The following STON2 variants were observed in gnomAD, a reference collection of about 807,000 sequenced individuals.
STON2 encodes stonin 2, also known as stonin-2.
In STON2, 29 loss-of-function variants were observed where a neutral mutation model predicts 65.7. The observed-to-expected ratio is 0.44, with a 90% CI of 0.33 to 0.60. The LOEUF is 0.60. Among genes scored for constraint, STON2 ranks in the 20% least tolerant of loss-of-function variants. STON2 has a pLI of 0.03. For synonymous variants in STON2, 404 were observed against 414.2 expected (o/e 0.98, Z 0.30); for missense variants, 1,054 against 1,118.1 (o/e 0.94, Z 0.82).
intron 4 of STON2, among the ~76,000 whole-genome samples, chr14:81,336,826 G>C (rs918985021): frequency 6.6e-6 from 1 of 152,150 alleles, no homozygotes; most frequent in African/African-American, 2.4e-5. Flanking sequence ...GAATTAGTGG[G>C]TGAATGAATG....
intron 3 of STON2, among the ~76,000 whole-genome samples, chr14:81,378,295 A>C (rs1899348515): frequency 6.6e-6 from 1 of 152,052 alleles, no homozygotes; most frequent in African/African-American, 2.4e-5. Context: ...AGCTCACTGT[A>C]ACTTCCACCT....
At chr14:81,274,904 C>CA (rs1355462893) in intron 6 of STON2, among the ~76,000 whole-genome samples, 2 of 151,714 alleles carry the variant, frequency 1.3e-5, no homozygotes, top group East Asian at 1.9e-4. Context: ...GACTTCATTT[C>CA]AAAAAAACAA....
intron 4 of STON2, among the ~76,000 whole-genome samples, chr14:81,354,094 A>G (rs1309497826): frequency 6.6e-6 from 1 of 152,218 alleles, no homozygotes; most frequent in African/African-American, 2.4e-5. Context: ...CTTCTCCTGC[A>G]ACCCTGTCTA....
At chr14:81,407,298 C>G (rs1900918428) in intron 2 of STON2, among the ~76,000 whole-genome samples, 1 of 151,970 alleles carries the variant, frequency 6.6e-6, no homozygotes, top group African/African-American at 2.4e-5. Context: ...CAGTAATGTA[C>G]TGAAAATTAA....
chr14:81,399,930 T>G (rs1239532195), intron 1 of STON2, among the ~76,000 whole-genome samples: 2 of 152,150 alleles, frequency 1.3e-5, no homozygotes, highest in African/African-American at 2.4e-5. Flanking sequence ...AACAAGCAGG[T>G]GTGTTTGAAG....
intron 5 of STON2, among the ~76,000 whole-genome samples, chr14:81,282,833 A>C (rs1196415944): frequency 6.6e-6 from 1 of 152,228 alleles, no homozygotes; most frequent in Non-Finnish European, 1.5e-5. Flanking sequence ...TTCCCAAGAC[A>C]ATTATGACTG....
intron 5 of STON2, among the ~76,000 whole-genome samples, chr14:81,320,949 C>T (rs1896801126): frequency 6.6e-6 from 1 of 152,232 alleles, no homozygotes; most frequent in South Asian, 2.1e-4. Flanking sequence ...TCCTTAAAGA[C>T]TACAGGCTGA....
chr14:81,306,214 C>T (rs1183540148), intron 5 of STON2, among the ~76,000 whole-genome samples: 5 of 124,532 alleles, frequency 4.0e-5, no homozygotes, highest in South Asian at 2.6e-4. Flanking sequence ...CACACACATA[C>T]ATACTCTTTT....
intron 3 of STON2, among the ~76,000 whole-genome samples, chr14:81,379,685 A>C (rs1161572539): frequency 7.2e-5 from 11 of 152,168 alleles, no homozygotes; most frequent in Non-Finnish European, 1.6e-4. Context: ...ACCCAGAATA[A>C]AGCTGCACAC....
intron 4 of STON2, among the ~76,000 whole-genome samples, chr14:81,351,511 A>G (rs1041607824): frequency 6.6e-6 from 1 of 152,182 alleles, no homozygotes; most frequent in Non-Finnish European, 1.5e-5. Flanking sequence ...CAAAGTAAGA[A>G]CTGTGTGAGA....
At chr14:81,413,373 T>G in intron 2 of STON2, 1 of 652,280 alleles carries the variant, frequency 1.5e-6, no homozygotes. Flanking sequence ...TTGTGTTTTA[T>G]ACAGGGCATT....
Position 81,278,249 on chromosome 14 carries a change from GC to G in STON2, c.1232del (p.Ser411ThrfsTer54). On this transcript the variant is annotated frameshift_variant, in exon 6 of 8. Coordinates refer to ENST00000614646, the MANE Select transcript of STON2 (RefSeq NM_001394390.1). LOFTEE classifies it high-confidence loss of function. ...AGATGACAATGAGGGAATCTCTTTG[GC>G]TTTTGCCCGTGGTACTGGAAATGGA... ...NSSISSTTGK[S>X]QRDSLIVIYQ... 1 of 1,614,122 alleles carries G rather than the reference GC, an allele frequency of 6.2e-7. No homozygotes were observed. The highest frequency in any genetic ancestry group is 8.5e-7 in the Non-Finnish European group (1 of 1,180,026).
At chr14:81,421,840 T>A (rs2139898854) in intron 2 of STON2, among the ~76,000 whole-genome samples, 1 of 152,196 alleles carries the variant, frequency 6.6e-6, no homozygotes, top group East Asian at 1.9e-4. Flanking sequence ...ATAGGCAGAT[T>A]TAGAGCTCAG....
chr14:81,344,414 T>C (rs911972135), intron 4 of STON2, among the ~76,000 whole-genome samples: 18 of 152,172 alleles, frequency 1.2e-4, no homozygotes, highest in African/African-American at 4.3e-4. Flanking sequence ...TATAGCAAAA[T>C]TAAATAGAGG....
rs377701697 is a variant in STON2, at chr14:81,346,441, C to T, written c.572-22254G>A. 2.6e-5 allele frequency among the ~76,000 whole-genome samples: 4 copies of T among 152,264 alleles called. No individual in the cohort carries two copies. In the East Asian group the frequency reaches 7.7e-4, roughly 29 times the overall value. ...AGAGAAAAGGATGTATGATCTAAAA[C>T]TCATTAGCTTGGACATTAGGACACA... On this transcript the variant is annotated intron_variant, in intron 4 of 7. Coordinates refer to ENST00000614646, the MANE Select transcript of STON2 (RefSeq NM_001394390.1).
intron 2 of STON2, among the ~76,000 whole-genome samples, chr14:81,407,632 T>C (rs1467822214): frequency 2.0e-5 from 3 of 152,214 alleles, no homozygotes; most frequent in African/African-American, 7.2e-5. Flanking sequence ...TGCAGAAACA[T>C]CTTCAACTAG....
chr14:81,293,081 A>G (rs1338881009), intron 5 of STON2, among the ~76,000 whole-genome samples: 2 of 152,030 alleles, frequency 1.3e-5, no homozygotes, highest in East Asian at 3.9e-4. Context: ...GAAATCTTAA[A>G]TGGACTGACT....
chr14:81,307,540 T>C (rs1302074411), intron 5 of STON2, among the ~76,000 whole-genome samples: 1 of 152,220 alleles, frequency 6.6e-6, no homozygotes, highest in Non-Finnish European at 1.5e-5. Context: ...AAAAGCCTAG[T>C]TGAGCCTCAA....
chr14:81,279,551 C>T (rs1394903475), intron 5 of STON2, among the ~76,000 whole-genome samples: 1 of 151,986 alleles, frequency 6.6e-6, no homozygotes, highest in African/African-American at 2.4e-5. Context: ...ATTAGCTGGG[C>T]GTAGTGGCAG....
Sources: gnomAD v4.1 joint callset for allele counts (sites outside exome capture counted in the v4.1 genomes callset) on GRCh38, gnomAD v4.1.1 for gene constraint, MANE v1.5 for transcripts, NCBI Gene and HGNC (gene_info 2026-07-23, HGNC 2026-07-21) for gene names.